FBXO10: variants seen among roughly 807,000 people sequenced by gnomAD.
The protein encoded by FBXO10 is F-box protein 10.
In FBXO10, 39 loss-of-function variants were observed where a neutral mutation model predicts 80.7. The observed-to-expected ratio is 0.48, with a 90% confidence interval of 0.37 to 0.63. The LOEUF is 0.63. FBXO10 is among the 30% of genes least tolerant of loss of function. The probability of loss-of-function intolerance (pLI) is 0.00; values close to 1 mark genes in which losing one functional copy is unlikely to be tolerated. For synonymous variants in FBXO10, 449 were observed against 489.6 expected (o/e 0.92, Z 1.09); for missense variants, 1,025 against 1,269.0 (o/e 0.81, Z 2.92).
rs201676458 is a variant in FBXO10 at position 37,518,380 on chromosome 9, G to A, written c.2259C>T (p.His753=). The A allele has an allele frequency of 4.0e-5, 65 of 1,613,576 alleles. No homozygotes were observed. Among genetic ancestry groups the A allele is most frequent in the Admixed American group, 1.2e-4 (7 of 59,978 alleles). Residue 753 remains histidine (H), a synonymous_variant, in exon 9 of 11, where the codon CAC becomes CAT. Coordinates refer to ENST00000432825, the MANE Select transcript of FBXO10 (RefSeq NM_012166.3). Reference sequence around the variant, plus strand: ...CAGTAATGCCTCTGTCCCCATTCGCGTGGATCACATTGGTGATGACATGCA... The same window carrying A: ...CAGTAATGCCTCTGTCCCCATTCGCATGGATCACATTGGTGATGACATGCA... ...EALHVITNVI[H]ANGDRGITVA...
chr9:37,551,362 G>A (rs534664723), intron 1 of FBXO10, among the ~76,000 whole-genome samples: 2 of 152,324 alleles, frequency 1.3e-5, no homozygotes, highest in African/African-American at 4.8e-5. Context: ...AGTCTTGGGG[G>A]CAGCCCTGCT....
chr9:37,535,328 C>G lies in FBXO10; in HGVS notation c.1419+1782G>C, dbSNP rs527546675. On this transcript the variant is annotated intron_variant, in intron 3 of 10. Transcript: ENST00000432825. Reference sequence around the variant, plus strand: ...ATTTATGACACATAAAGAAGAAAATCACAGTCGGTGACACTTCTTTTTTTT... The same window carrying G: ...ATTTATGACACATAAAGAAGAAAATGACAGTCGGTGACACTTCTTTTTTTT... Among the ~76,000 whole-genome samples, 28 of 151,896 alleles carry G rather than the reference C, an allele frequency of 1.8e-4. No individual in the cohort carries two copies. The South Asian group carries it at 5.8e-3, about 32-fold the overall frequency.
rs757044883 is a variant in FBXO10, at chr9:37,537,213, T to C, written c.1316A>G (p.Asp439Gly). The change falls in exon 3 of 11, where the codon GAC becomes GGC. Residue 439 changes from aspartate to glycine, a missense_variant. Around this residue, in one of 3 missense-constraint regions of FBXO10, gnomAD observed 478 missense variants for 667.8 expected, o/e 0.72. Transcript: ENST00000432825. ...GCLIRKCLFR[D>G]GKGGVFVCSH... ...GCAGACGAAGACGCCTCCCTTCCCGTCCCGGAAGAGGCACTTGCGGATGAG... is the reference window on the plus strand; with the variant it reads ...GCAGACGAAGACGCCTCCCTTCCCGCCCCGGAAGAGGCACTTGCGGATGAG... The C allele has an allele frequency of 5.6e-6, 9 of 1,613,836 alleles. No homozygotes were observed. Among genetic ancestry groups the C allele is most frequent in the Non-Finnish European group, 7.6e-6 (9 of 1,179,910 alleles).
At chr9:37,515,345 C>G (rs1821155726) in intron 10 of FBXO10, 1 of 152,732 alleles carries the variant, frequency 6.5e-6, no homozygotes, top group South Asian at 2.1e-4. Context: ...ATTTTAGAAG[C>G]AGAATCAACA....
Position 37,522,922 on chromosome 9 carries a change from G to T in FBXO10, c.1833C>A (p.Ile611=). ...AGATGAGGTTACTCCTGAGAACGGG[G>T]ATCCCTCCACGGCGGATGTCCACAC... The part of the protein sequence containing the change: ...WGGVDIRRGG[I]PVLRSNLICF... The change falls in exon 7 of 11, where the codon ATC becomes ATA. Residue 611 remains isoleucine (I), a synonymous_variant. Coordinates refer to ENST00000432825, the MANE Select transcript of FBXO10 (RefSeq NM_012166.3). The T allele has an allele frequency of 6.3e-7, 1 of 1,586,792 alleles. No individual in the cohort carries two copies. Among genetic ancestry groups the T allele is most frequent in the Non-Finnish European group, 8.6e-7 (1 of 1,166,826 alleles).
intron 1 of FBXO10, among the ~76,000 whole-genome samples, chr9:37,570,430 A>G (rs1427385492): frequency 6.6e-6 from 1 of 152,218 alleles, no homozygotes; most frequent in Non-Finnish European, 1.5e-5. Flanking sequence ...AGAATCAAAA[A>G]GATAAAAATT....
intron 6 of FBXO10, among the ~76,000 whole-genome samples, chr9:37,524,119 G>A (rs373267220): frequency 2.6e-5 from 4 of 152,156 alleles, no homozygotes; most frequent in South Asian, 2.1e-4. Context: ...ATGTCCACTC[G>A]GCCATGCCAA....
intron 1 of FBXO10, among the ~76,000 whole-genome samples, chr9:37,575,902 A>T (rs987997702): frequency 3.3e-5 from 5 of 152,150 alleles, no homozygotes; most frequent in Non-Finnish European, 7.4e-5. Context: ...ACACTCGAAA[A>T]ATCTCAGGGC....
At chr9:37,542,315 G>A (rs555342340) in intron 1 of FBXO10, among the ~76,000 whole-genome samples, 4 of 152,076 alleles carry the variant, frequency 2.6e-5, no homozygotes, top group East Asian at 2.0e-4. Flanking sequence ...ATGACTCCAG[G>A]CCGGGCGCAA....
rs781707174 is a variant in FBXO10, at chr9:37,537,836, G to C, written c.693C>G (p.Thr231=). 4 of 1,613,842 alleles carry C rather than the reference G, an allele frequency of 2.5e-6. No individual in the cohort carries two copies. Among genetic ancestry groups the C allele is most frequent in the Non-Finnish European group, 2.5e-6 (3 of 1,179,886 alleles). The part of the protein sequence containing the change: ...CQVKFCTFKN[T]HIFLHNVPLC... ...GGGGCACGTTGTGCAGGAAGATATG[G>C]GTGTTTTTGAAGGTACAGAACTTCA... Residue 231 remains threonine, a synonymous_variant, in exon 3 of 11, where the codon ACC becomes ACG. Transcript: ENST00000432825.
At chr9:37,546,821 C>A (rs921925276) in intron 1 of FBXO10, among the ~76,000 whole-genome samples, 1 of 151,932 alleles carries the variant, frequency 6.6e-6, no homozygotes, top group African/African-American at 2.4e-5. Context: ...GCTGGGACTG[C>A]AGGCGTGCGC....
chr9:37,548,950 G>A lies in FBXO10; in HGVS notation c.-6-7176C>T, dbSNP rs951932226. 1.3e-4 allele frequency among the ~76,000 whole-genome samples: 20 copies of A among 152,038 alleles called. 1 individual carries two copies. Among genetic ancestry groups the A allele is most frequent in the Admixed American group, 8.5e-4 (13 of 15,260 alleles). ...ATTTTAGTACAGACGGGGTTTCACC[G>A]TATTAGCTAGGATGGTCTCAATCTC... On this transcript the variant is annotated intron_variant, in intron 1 of 10. Transcript: ENST00000432825.
At chr9:37,512,794 T>A in intron 10 of FBXO10, 73 bp from the exon 11 acceptor site, 1 of 1,475,758 alleles carries the variant, frequency 6.8e-7, no homozygotes, top group Non-Finnish European at 9.1e-7. Flanking sequence ...TGCACAGTCT[T>A]AACTTGGGTT....
chr9:37,555,019 G>C (rs1293055792), intron 1 of FBXO10, among the ~76,000 whole-genome samples: 1 of 152,164 alleles, frequency 6.6e-6, no homozygotes, highest in Non-Finnish European at 1.5e-5. Flanking sequence ...TACCAAGAAA[G>C]AATAAGAAAC....
intron 3 of FBXO10, among the ~76,000 whole-genome samples, chr9:37,533,854 A>G (rs1169133522): frequency 1.3e-5 from 2 of 150,960 alleles, no homozygotes; most frequent in African/African-American, 4.9e-5. Flanking sequence ...CCTGGGCTAA[A>G]CAGTGGAGAC....
At chr9:37,530,904 G>C (rs1236371020) in intron 4 of FBXO10, among the ~76,000 whole-genome samples, 4 of 152,168 alleles carry the variant, frequency 2.6e-5, no homozygotes, top group Non-Finnish European at 5.9e-5. Flanking sequence ...GCCTCCCAAA[G>C]TGCTGAGATT....
chr9:37,541,189 A>C lies in FBXO10; in HGVS notation c.580T>G (p.Tyr194Asp). ...FTPAWFSPIM[Y>D]KTTSGHVQFD... The stretch of plus-strand genomic sequence containing the variant: ...CTATTGATGTGGATACCCACCTTAT[A>C]CATGATGGGTGAGAACCAGGCTGGC... Residue 194 changes from tyrosine (Y) to aspartate (D), a missense_variant, in exon 2 of 11, where the codon TAT (tyrosine) becomes GAT (aspartate). Physicochemically the swap from Tyr to Asp is radical, Grantham distance 160. Coordinates refer to ENST00000432825, the MANE Select transcript of FBXO10 (RefSeq NM_012166.3). 6.3e-7 allele frequency: 1 copy of C among 1,598,496 alleles called. No homozygotes were observed. The highest frequency in any genetic ancestry group is 8.5e-7 in the Non-Finnish European group (1 of 1,173,026).
intron 7 of FBXO10, 106 bp from the exon 8 acceptor site, chr9:37,521,944 T>G (rs1471813010): frequency 7.6e-7 from 1 of 1,314,558 alleles, no homozygotes; most frequent in African/African-American, 1.5e-5. Flanking sequence ...AGAGAGTCCC[T>G]GCCTTGCTAA....
chr9:37,524,767 G>A (rs1374416574), intron 6 of FBXO10, among the ~76,000 whole-genome samples: 7 of 152,188 alleles, frequency 4.6e-5, no homozygotes, highest in South Asian at 2.1e-4. Context: ...TTAGCCGGGC[G>A]GAGGTTTCCA....
Sources: allele counts gnomAD v4.1 joint callset (sites outside exome capture counted in the v4.1 genomes callset), GRCh38; gene constraint gnomAD v4.1.1; regional missense constraint gnomAD v4.1.1; transcripts MANE v1.5; gene names NCBI Gene and HGNC (gene_info 2026-07-23, HGNC 2026-07-21).